Variants in CAMK2D observed in about 807,000 individuals in gnomAD.
The protein encoded by CAMK2D is calcium/calmodulin-dependent protein kinase type II subunit delta.
A neutral mutation model predicts 84.0 loss-of-function variants in CAMK2D; 37 were observed. The ratio of observed to expected loss-of-function variants is 0.44; its 90% CI spans 0.34 to 0.58. The LOEUF (loss-of-function observed/expected upper bound fraction) is 0.58. Ranked by LOEUF, CAMK2D falls within the 20% of genes least tolerant of loss-of-function variation. The pLI is 0.02. For missense variants in CAMK2D, 448 were observed against 652.5 expected, an observed-to-expected ratio of 0.69 and a Z score of 3.41; for synonymous variants, 202 against 212.5, an observed-to-expected ratio of 0.95 and a Z score of 0.43.
chr4:113,685,890 C>T (rs1168532311), intron 2 of CAMK2D, among the ~76,000 whole-genome samples: 1 of 151,592 alleles, frequency 6.6e-6, no homozygotes, highest in African/African-American at 2.4e-5. Context: ...ATGGTGAAAC[C>T]CCCGTCTCTA....
intron 8 of CAMK2D, among the ~76,000 whole-genome samples, 198 bp downstream of exon 8, chr4:113,531,018 A>C (rs1032860737): frequency 2.6e-4 from 39 of 152,226 alleles, no homozygotes; most frequent in African/African-American, 9.2e-4. Flanking sequence ...TGGGAGGCAG[A>C]GGTTGCAGTG....
chr4:113,494,780 G>A (rs984963579), intron 16 of CAMK2D, among the ~76,000 whole-genome samples: 1 of 152,216 alleles, frequency 6.6e-6, no homozygotes, highest in African/African-American at 2.4e-5. Flanking sequence ...TGCTGTGCTA[G>A]CAATCAGGGA....
intron 18 of CAMK2D, among the ~76,000 whole-genome samples, chr4:113,457,917 C>T (rs942606182): frequency 6.6e-6 from 1 of 152,184 alleles, no homozygotes; most frequent in African/African-American, 2.4e-5. Context: ...CCCAGGTGTG[C>T]CAAGCACTGC....
intron 8 of CAMK2D, among the ~76,000 whole-genome samples, chr4:113,518,893 A>C (rs1020987462): frequency 6.6e-6 from 1 of 152,198 alleles, no homozygotes; most frequent in Non-Finnish European, 1.5e-5. Context: ...GATACAGTTC[A>C]TAAGCAGATT....
intron 2 of CAMK2D, among the ~76,000 whole-genome samples, chr4:113,684,673 G>A (rs2099354596): frequency 6.6e-6 from 1 of 152,142 alleles, no homozygotes; most frequent in Non-Finnish European, 1.5e-5. Flanking sequence ...TGCCCAGAAA[G>A]TCTCAGTTAC....
intron 17 of CAMK2D, 148 bp from the exon 18 acceptor site, chr4:113,460,389 C>A: frequency 1.5e-6 from 1 of 648,394 alleles, no homozygotes; most frequent in Non-Finnish European, 2.8e-6. Context: ...TAAACCTTGG[C>A]AAGGTGGGTT....
At chr4:113,601,916 C>T (rs551059910) in intron 4 of CAMK2D, among the ~76,000 whole-genome samples, 5 of 151,836 alleles carry the variant, frequency 3.3e-5, no homozygotes, top group African/African-American at 4.8e-5. Context: ...AGGCTGGTCT[C>T]GAACTCCTGG....
At chr4:113,546,977 G>A (rs2098581315) in intron 6 of CAMK2D, among the ~76,000 whole-genome samples, 1 of 152,106 alleles carries the variant, frequency 6.6e-6, no homozygotes, top group African/African-American at 2.4e-5. Flanking sequence ...ATGAGAATAT[G>A]TATATAGGGA....
intron 4 of CAMK2D, among the ~76,000 whole-genome samples, chr4:113,606,730 CAA>C (rs1316373449): frequency 6.6e-6 from 1 of 151,986 alleles, no homozygotes; most frequent in Non-Finnish European, 1.5e-5. Context: ...AAACAATGTC[CAA>C]AAGTTTCCCA....
chr4:113,606,427 G>A (rs569905396), intron 4 of CAMK2D, among the ~76,000 whole-genome samples: 2 of 151,282 alleles, frequency 1.3e-5, no homozygotes, highest in Admixed American at 6.6e-5. Context: ...CAGAGATCGC[G>A]CCACTGCACT....
intron 2 of CAMK2D, among the ~76,000 whole-genome samples, chr4:113,704,649 G>C (rs1350473970): frequency 6.6e-6 from 1 of 152,028 alleles, no homozygotes; most frequent in Admixed American, 6.6e-5. Flanking sequence ...ATTCACTCTT[G>C]AAAACAGTCA....
chr4:113,620,404 A>T (rs578255476), intron 3 of CAMK2D, among the ~76,000 whole-genome samples: 285 of 152,346 alleles, frequency 1.9e-3, no homozygotes, highest in Non-Finnish European at 3.5e-3. Context: ...AAAACTAATG[A>T]AAAGTGTGAA....
At chr4:113,619,928 T>A (rs939885441) in intron 3 of CAMK2D, among the ~76,000 whole-genome samples, 1 of 152,116 alleles carries the variant, frequency 6.6e-6, no homozygotes, top group African/African-American at 2.4e-5. Context: ...GAGTTTGGCA[T>A]GCATAATCTA....
chr4:113,721,495 T>C (rs140371501), intron 2 of CAMK2D, among the ~76,000 whole-genome samples: 79 of 152,298 alleles, frequency 5.2e-4, no homozygotes, highest in African/African-American at 1.8e-3. Context: ...TGTAACTTTG[T>C]CTAAGTCACA....
At chr4:113,600,285 C>G (rs1042283437) in intron 4 of CAMK2D, among the ~76,000 whole-genome samples, 6 of 152,086 alleles carry the variant, frequency 3.9e-5, no homozygotes, top group African/African-American at 1.4e-4. Context: ...AAATTATGGA[C>G]TCTAGGTGAT....
intron 16 of CAMK2D, among the ~76,000 whole-genome samples, chr4:113,480,536 G>C (rs1189328661): frequency 6.6e-6 from 1 of 152,058 alleles, no homozygotes; most frequent in African/African-American, 2.4e-5. Context: ...AAGGGGACTA[G>C]TGCCCTTATA....
chr4:113,495,014 G>A lies in CAMK2D; in HGVS notation c.1135+5449C>T, dbSNP rs574481246. ...CTGCTTCGGCTCACGCACGGTGCGCGCACCCACTGACCTGCGCCCACTGTG... is the reference window on the plus strand; with the variant it reads ...CTGCTTCGGCTCACGCACGGTGCGCACACCCACTGACCTGCGCCCACTGTG... On this transcript the variant is annotated intron_variant, in intron 16 of 20. Coordinates refer to ENST00000511664, the MANE Select transcript of CAMK2D (RefSeq NM_001321571.2). 1.9e-3 allele frequency among the ~76,000 whole-genome samples: 288 copies of A among 152,218 alleles called. 1 individual carries two copies. The highest frequency in any genetic ancestry group is 6.5e-3 in the African/African-American group (269 of 41,532).
At chr4:113,585,641 GTATAGTATAGATTAGTA>G (rs1277860278) in intron 4 of CAMK2D, among the ~76,000 whole-genome samples, 2 of 150,368 alleles carry the variant, frequency 1.3e-5, no homozygotes, top group Non-Finnish European at 3.0e-5. Flanking sequence ...TTAGTATACA[GTATAGTATAGATTAGTA>G]TATAGTATAG....
At chr4:113,524,838 G>A (rs930692688) in intron 8 of CAMK2D, among the ~76,000 whole-genome samples, 4 of 152,190 alleles carry the variant, frequency 2.6e-5, no homozygotes, top group African/African-American at 9.7e-5. Context: ...AAGACAGTGT[G>A]TAAGTTCAGA....
Sources: gnomAD v4.1 joint callset for allele counts (sites outside exome capture counted in the v4.1 genomes callset) on GRCh38, gnomAD v4.1.1 for gene constraint, MANE v1.5 for transcripts, NCBI Gene and HGNC (gene_info 2026-07-23, HGNC 2026-07-21) for gene names.